The following WDR70 variants were observed in gnomAD, a reference collection of about 807,000 sequenced individuals.
WDR70 encodes the protein WD repeat-containing protein 70.
In WDR70, 53 loss-of-function variants were observed where a neutral mutation model predicts 88.6. That is an observed-to-expected ratio of 0.60 (90% CI 0.48 to 0.75). WDR70 has a LOEUF of 0.75. Among genes scored for constraint, WDR70 ranks in the 30% least tolerant of loss-of-function variants. WDR70 has a pLI of 0.00. For missense variants in WDR70, 610 were observed against 823.2 expected (o/e 0.74, Z 3.17); for synonymous variants, 280 against 270.0 (o/e 1.04, Z -0.36).
At position 37,508,625 on chromosome 5, in the gene WDR70, C is replaced by T. The variant is rs117716799; in HGVS notation, c.841-7889C>T. 7.9e-5 allele frequency among the ~76,000 whole-genome samples: 12 copies of T among 152,238 alleles called. No individual in the cohort carries two copies. In the East Asian group the frequency reaches 2.3e-3, roughly 29 times the overall value. ...ATTGATTTTTGATTGTTAAACCAGA[C>T]TTGTATTCTTGGAACAAAGCCTTCT... On this transcript the variant is annotated intron_variant, in intron 8 of 17. Transcript: ENST00000265107.
chr5:37,495,438 A>C (rs1477191815), intron 8 of WDR70, among the ~76,000 whole-genome samples: 2 of 151,912 alleles, frequency 1.3e-5, no homozygotes, highest in African/African-American at 4.8e-5. Context: ...ACAGATTATC[A>C]GCAATCTCTC....
chr5:37,715,288 T>TA (rs1054406624), intron 13 of WDR70, among the ~76,000 whole-genome samples: 25 of 147,982 alleles, frequency 1.7e-4, no homozygotes, highest in African/African-American at 6.3e-4. Flanking sequence ...TCTGGCCTAT[T>TA]AGAGAATTTT....
chr5:37,685,356 G>T (rs1421763217), intron 10 of WDR70, among the ~76,000 whole-genome samples: 1 of 152,072 alleles, frequency 6.6e-6, no homozygotes, highest in Non-Finnish European at 1.5e-5. Context: ...TGAGGGGAGG[G>T]AGTGGGCAGG....
intron 5 of WDR70, among the ~76,000 whole-genome samples, chr5:37,406,057 AT>A (rs1440418393): frequency 1.3e-5 from 2 of 152,168 alleles, no homozygotes; most frequent in Non-Finnish European, 2.9e-5. Flanking sequence ...ACAAAAAAGG[AT>A]TTAATGAAGT....
intron 10 of WDR70, among the ~76,000 whole-genome samples, chr5:37,671,171 AATTC>A (rs1746013670): frequency 1.3e-5 from 2 of 152,198 alleles, no homozygotes; most frequent in African/African-American, 2.4e-5. Context: ...GAGAAAAAAC[AATTC>A]TATTGAGAGG....
intron 9 of WDR70, among the ~76,000 whole-genome samples, chr5:37,517,703 G>A (rs1389009982): frequency 1.4e-5 from 2 of 140,050 alleles, no homozygotes; most frequent in East Asian, 4.1e-4. Context: ...TGAGTATACA[G>A]TAGGTATATA....
chr5:37,696,053 A>G (rs1450863884), intron 10 of WDR70, among the ~76,000 whole-genome samples: 1 of 151,998 alleles, frequency 6.6e-6, no homozygotes, highest in African/African-American at 2.4e-5. Flanking sequence ...GTATTTCCCC[A>G]TTGTAGCACT....
chr5:37,609,133 G>A (rs531142374), intron 10 of WDR70, among the ~76,000 whole-genome samples: 1 of 152,238 alleles, frequency 6.6e-6, no homozygotes, highest in African/African-American at 2.4e-5. Context: ...GATAGAGTTG[G>A]GTATGTGTAC....
At chr5:37,478,527 G>C (rs1739556478) in intron 7 of WDR70, among the ~76,000 whole-genome samples, 1 of 152,158 alleles carries the variant, frequency 6.6e-6, no homozygotes, top group Admixed American at 6.5e-5. Context: ...GTTTATATTG[G>C]GGAGTGTTTT....
intron 7 of WDR70, 93 bp from the exon 8 acceptor site, chr5:37,479,737 ATTTG>A: frequency 7.3e-7 from 1 of 1,370,342 alleles, no homozygotes; most frequent in South Asian, 1.4e-5. Context: ...CAATTTGTCC[ATTTG>A]TGTAACATTT....
intron 6 of WDR70, among the ~76,000 whole-genome samples, chr5:37,439,539 T>C (rs1056580413): frequency 7.9e-5 from 12 of 151,822 alleles, no homozygotes; most frequent in South Asian, 4.2e-4. Context: ...TTTTATCTTA[T>C]AGAGAAACAT....
intron 10 of WDR70, among the ~76,000 whole-genome samples, chr5:37,648,941 G>A (rs1197600504): frequency 6.6e-6 from 1 of 152,036 alleles, no homozygotes; most frequent in Non-Finnish European, 1.5e-5. Context: ...CATTGTCAAT[G>A]GACTCACTGA....
intron 9 of WDR70, among the ~76,000 whole-genome samples, chr5:37,553,497 A>G (rs6874531): frequency 0.035 from 5,289 of 152,254 alleles, 318 homozygotes; most frequent in African/African-American, 0.12. Context: ...AAAATAGAGT[A>G]GAAATTGTCA....
chr5:37,588,611 C>CT (rs1381457658), intron 9 of WDR70, among the ~76,000 whole-genome samples: 1 of 151,896 alleles, frequency 6.6e-6, no homozygotes, highest in Non-Finnish European at 1.5e-5. Context: ...GGGAGTCACT[C>CT]TGTCACCCAC....
chr5:37,595,425 T>C (rs1339974300), intron 9 of WDR70, among the ~76,000 whole-genome samples: 1 of 152,180 alleles, frequency 6.6e-6, no homozygotes, highest in Non-Finnish European at 1.5e-5. Flanking sequence ...CATAATACAT[T>C]TCTGAGAGAA....
chr5:37,722,544 G>A (rs778561287), intron 14 of WDR70: 118 of 287,022 alleles, frequency 4.1e-4, no homozygotes, highest in Middle Eastern at 2.1e-3. Context: ...GAAAAGGTTG[G>A]GTAATTTTAT....
chr5:37,439,652 C>G, intron 6 of WDR70, among the ~76,000 whole-genome samples: 1 of 143,578 alleles, frequency 7.0e-6, no homozygotes, highest in African/African-American at 2.5e-5. Context: ...TGCAATCCTG[C>G]CTTTGTTCTA....
At chr5:37,405,002 A>G (rs1428206337) in intron 5 of WDR70, among the ~76,000 whole-genome samples, 1 of 152,148 alleles carries the variant, frequency 6.6e-6, no homozygotes, top group African/African-American at 2.4e-5. Context: ...TGGCCAGGTC[A>G]GCTCTGTTTT....
rs977008833 is a variant in WDR70, at chr5:37,506,343, G to A, written c.841-10171G>A. ...CAGTGAGTCAATACCAAAAAATCTT[G>A]CTTCTTCTAACACACCCAATAAATT... On this transcript the variant is annotated intron_variant, in intron 8 of 17. Transcript: ENST00000265107. 4.5e-6 allele frequency: 4 copies of A among 895,830 alleles called. No homozygotes were observed. In the African/African-American group the frequency reaches 6.5e-5, roughly 15 times the overall value. The allele number at this position is 895,830 out of a possible 1,614,324, so 55.5% of individuals were successfully genotyped here. A position where few individuals can be genotyped will look rare whatever the true frequency, so the allele number is the denominator to read the frequency against.
Sources: allele counts gnomAD v4.1 joint callset (sites outside exome capture counted in the v4.1 genomes callset), GRCh38; gene constraint gnomAD v4.1.1; transcripts MANE v1.5; gene names NCBI Gene and HGNC (gene_info 2026-07-23, HGNC 2026-07-21).